Variants in PTPRD observed in about 807,000 individuals in gnomAD.
The protein encoded by PTPRD is protein tyrosine phosphatase receptor type D, also known as receptor-type tyrosine-protein phosphatase delta.
Under a neutral mutation model 214.5 loss-of-function variants are expected in PTPRD, and 34 were observed. That is an observed-to-expected ratio of 0.16 (90% CI 0.12 to 0.21). The LOEUF is 0.21. Among genes scored for constraint, PTPRD ranks in the 10% least tolerant of loss-of-function variants. The probability of loss-of-function intolerance (pLI) is 1.00; values close to 1 mark genes in which losing one functional copy is unlikely to be tolerated. For synonymous variants in PTPRD, 1,128 were observed against 845.7 expected, an observed-to-expected ratio of 1.33 and a Z score of -5.79; for missense variants, 2,545 against 2,398.7, an observed-to-expected ratio of 1.06 and a Z score of -1.27.
chr9:9,672,258 T>C (rs76729161), intron 7 of PTPRD, among the ~76,000 whole-genome samples: 3,897 of 152,212 alleles, frequency 0.026, 149 homozygotes, highest in African/African-American at 0.09. Context: ...TTCTATCATC[T>C]AAAGACTATT....
In PTPRD at chr9:10,104,579, T is replaced by G. The variant is rs142780713; in HGVS notation, c.-544-70789A>C. Among the ~76,000 whole-genome samples the G allele has an allele frequency of 1.6e-3, 239 of 151,948 alleles. 2 individuals carry two copies. In the East Asian group the frequency reaches 0.041, roughly 26 times the overall value. On this transcript the variant is annotated intron_variant, in intron 3 of 45. Transcript: ENST00000381196. ...TTGTTTTGCATAGCAATTGTGTATA[T>G]TATGTCATTACATTAGAATGCAATT...
At chr9:9,947,433 ATATT>A (rs2092807870) in intron 4 of PTPRD, among the ~76,000 whole-genome samples, 1 of 31,442 alleles carries the variant, frequency 3.2e-5, no homozygotes, top group East Asian at 6.3e-3. Context: ...TATTATATAT[ATATT>A]ATATATTTTA....
Position 8,651,546 on chromosome 9 carries a change from A to C in PTPRD, c.65-14702T>G, listed in dbSNP as rs1013546244. ...TAGATGGAACACAGTGTAATGCAGT[A>C]ATGTAGTTCTTTTGCTTTTTTTCCT... On this transcript the variant is annotated intron_variant, in intron 12 of 45. Transcript: ENST00000381196. Among the ~76,000 whole-genome samples the C allele has an allele frequency of 6.6e-5, 10 of 152,318 alleles. No individual in the cohort carries two copies. In the East Asian group the frequency reaches 9.7e-4, roughly 15 times the overall value.
rs58529453 is a variant in PTPRD at position 8,414,930 on chromosome 9, GGAGAGAGAGAGAGAGA to G, written c.4087-10286_4087-10271del. Among the ~76,000 whole-genome samples the G allele has an allele frequency of 4.7e-4, 23 of 49,264 alleles. No individual in the cohort carries two copies. In the South Asian group the frequency reaches 0.018, roughly 38 times the overall value. The allele number at this position is 49,264 out of a possible 152,430, so 32.3% of individuals were successfully genotyped here. A position where few individuals can be genotyped will look rare whatever the true frequency, so the allele number is the denominator to read the frequency against. On this transcript the variant is annotated intron_variant, in intron 35 of 45. Transcript: ENST00000381196. ...GAGGGAGGGGGAGAGAGAGGGAGGG[GGAGAGAGAGAGAGAGA>G]GAGAGAGAGAGAGAGAGAGAGAGAG...
intron 35 of PTPRD, among the ~76,000 whole-genome samples, chr9:8,433,066 A>C (rs984499030): frequency 6.6e-6 from 1 of 152,248 alleles, no homozygotes; most frequent in Admixed American, 6.5e-5. Flanking sequence ...TGCAACTGAG[A>C]TTGCTTGAGT....
chr9:8,518,438 G>T lies in PTPRD; in HGVS notation c.962-9C>A, dbSNP rs192554695. ...TGGAGGTTTGGGTAAGGCTTGGATGGGGGAAGATAAAAGACAATGACTACC... is the reference window on the plus strand; with the variant it reads ...TGGAGGTTTGGGTAAGGCTTGGATGTGGGAAGATAAAAGACAATGACTACC... On this transcript the variant is annotated splice_polypyrimidine_tract_variant and intron_variant, in intron 20 of 45. Coordinates refer to ENST00000381196, the MANE Select transcript of PTPRD (RefSeq NM_002839.4). 3 of 1,565,394 alleles carry T rather than the reference G, an allele frequency of 1.9e-6. No individual in the cohort carries two copies. Among genetic ancestry groups the T allele is most frequent in the Non-Finnish European group, 1.7e-6 (2 of 1,157,768 alleles).
At chr9:9,176,158 C>A (rs1410706276) in intron 10 of PTPRD, among the ~76,000 whole-genome samples, 1 of 152,132 alleles carries the variant, frequency 6.6e-6, no homozygotes, top group African/African-American at 2.4e-5. Context: ...AACTTAAGGG[C>A]TTGATATGTA....
intron 12 of PTPRD, among the ~76,000 whole-genome samples, chr9:8,651,966 A>G (rs1223721723): frequency 6.6e-6 from 1 of 152,226 alleles, no homozygotes; most frequent in African/African-American, 2.4e-5. Flanking sequence ...AGACCCTGGT[A>G]GCAGCTCATT....
chr9:9,448,123 C>T (rs2091049971), intron 8 of PTPRD, among the ~76,000 whole-genome samples: 2 of 151,902 alleles, frequency 1.3e-5, no homozygotes, highest in Non-Finnish European at 2.9e-5. Flanking sequence ...GGTAGGAGCC[C>T]CATGCATTTA....
intron 10 of PTPRD, among the ~76,000 whole-genome samples, chr9:9,177,173 A>C (rs1016134728): frequency 2.0e-5 from 3 of 152,088 alleles, no homozygotes; most frequent in African/African-American, 7.2e-5. Context: ...TTTCTTCCCA[A>C]GGCAGCAGGA....
At chr9:9,622,794 C>T (rs1173671452) in intron 7 of PTPRD, among the ~76,000 whole-genome samples, 1 of 152,226 alleles carries the variant, frequency 6.6e-6, no homozygotes, top group Non-Finnish European at 1.5e-5. Context: ...ATAAACACTG[C>T]TCAGGAATCT....
intron 10 of PTPRD, among the ~76,000 whole-genome samples, chr9:9,131,394 G>A (rs2099842385): frequency 6.6e-6 from 1 of 152,128 alleles, no homozygotes; most frequent in African/African-American, 2.4e-5. Flanking sequence ...AAATTTGTAT[G>A]AATAAATCAG....
intron 14 of PTPRD, among the ~76,000 whole-genome samples, chr9:8,617,297 G>A (rs1208843497): frequency 2.0e-5 from 3 of 152,084 alleles, no homozygotes; most frequent in Non-Finnish European, 4.4e-5. Context: ...TGTCTCTGAT[G>A]AGGGTTGGTC....
intron 9 of PTPRD, among the ~76,000 whole-genome samples, chr9:9,314,584 G>A (rs1595646924): frequency 6.6e-6 from 1 of 152,094 alleles, no homozygotes; most frequent in Non-Finnish European, 1.5e-5. Flanking sequence ...AAGGCTTCCT[G>A]TTTTTCCCTC....
In PTPRD at chr9:8,713,584, A is replaced by C. The variant is rs1473156328; in HGVS notation, c.64+20196T>G. ...CTGTGACTCCCGGAGCGGCACCCAC[A>C]ACATGTACCGGGAATACCGGGACCT... On this transcript the variant is annotated intron_variant, in intron 12 of 45. Coordinates refer to ENST00000381196, the MANE Select transcript of PTPRD (RefSeq NM_002839.4). 5 of 1,517,544 alleles carry C rather than the reference A, an allele frequency of 3.3e-6. No individual in the cohort carries two copies. In the Admixed American group the frequency reaches 5.0e-5, roughly 15 times the overall value. 94.0% of individuals were successfully genotyped at this position (1,517,544 alleles called of 1,614,324 possible). A position where few individuals can be genotyped will look rare whatever the true frequency, so the allele number is the denominator to read the frequency against.
At chr9:8,544,525 A>G (rs1181091770) in intron 14 of PTPRD, among the ~76,000 whole-genome samples, 1 of 141,230 alleles carries the variant, frequency 7.1e-6, no homozygotes. Flanking sequence ...GCTGAAGTGC[A>G]GGGACGTGAT....
intron 11 of PTPRD, among the ~76,000 whole-genome samples, chr9:8,833,927 C>T (rs1037973272): frequency 1.2e-4 from 14 of 117,848 alleles, no homozygotes; most frequent in South Asian, 2.8e-4. Context: ...TTAAAAACAC[C>T]GGGCATTTTA....
In PTPRD at chr9:8,854,083, A is replaced by C. The variant is rs1253615404; in HGVS notation, c.-103-120137T>G. On this transcript the variant is annotated intron_variant, in intron 11 of 45. Coordinates refer to ENST00000381196, the MANE Select transcript of PTPRD (RefSeq NM_002839.4). ...TCTGGGCATGTAATACAAATCCTGTATATTTCGTGACCACTAAGTTGAGTA... is the reference window on the plus strand; with the variant it reads ...TCTGGGCATGTAATACAAATCCTGTCTATTTCGTGACCACTAAGTTGAGTA... Among the ~76,000 whole-genome samples the C allele has an allele frequency of 2.0e-5, 3 of 152,172 alleles. No individual in the cohort carries two copies. The East Asian group carries it at 5.8e-4, about 29-fold the overall frequency.
chr9:8,474,018 C>T (rs764914943), intron 30 of PTPRD, among the ~76,000 whole-genome samples: 14 of 152,160 alleles, frequency 9.2e-5, no homozygotes, highest in South Asian at 2.1e-4. Context: ...TTGCCTTACC[C>T]GCAACCTGTC....
Sources: allele counts gnomAD v4.1 joint callset (sites outside exome capture counted in the v4.1 genomes callset), GRCh38; gene constraint gnomAD v4.1.1; transcripts MANE v1.5; gene names NCBI Gene and HGNC (gene_info 2026-07-23, HGNC 2026-07-21).